SCUBE3: variants seen among roughly 807,000 people sequenced by gnomAD.
SCUBE3 encodes the protein signal peptide, CUB domain and EGF like domain containing 3.
SCUBE3 carries 33 observed loss-of-function variants against 116.8 expected under a neutral mutation model. The observed-to-expected ratio is 0.28, with a 90% CI of 0.21 to 0.38. SCUBE3 has a LOEUF of 0.38. Among genes scored for constraint, SCUBE3 ranks in the 10% least tolerant of loss-of-function variants. The pLI, the probability that SCUBE3 is intolerant of heterozygous loss-of-function variation, is 1.00. For synonymous variants in SCUBE3, 418 were observed against 496.9 expected (o/e 0.84, Z 2.11); for missense variants, 1,007 against 1,324.8 (o/e 0.76, Z 3.72).
Position 35,239,873 on chromosome 6 carries a change from G to C in SCUBE3, c.951G>C (p.Gln317His). The C allele has an allele frequency of 6.3e-7, 1 of 1,599,322 alleles. No homozygotes were observed. Among genetic ancestry groups the C allele is most frequent in the Non-Finnish European group, 8.5e-7 (1 of 1,175,230 alleles). Residue 317 changes from glutamine to histidine, a missense_variant and splice_region_variant, in exon 8 of 22, where the codon CAG becomes CAC. By Grantham distance (24) the Gln-to-His change is conservative. Transcript: ENST00000274938. This position sits in a 1 kb window ranked among gnomAD's most constrained non-coding sequence, Gnocchi z 4.1. Reference protein sequence around the residue: ...YKLLINERNCQDIDECSFDRT... With the variant: ...YKLLINERNCHDIDECSFDRT... ...TTCTCATCAATGAGAGGAACTGCCAGGGTGAGCAGACTCAGCCAAAGGTGA... is the reference window on the plus strand; with the variant it reads ...TTCTCATCAATGAGAGGAACTGCCACGGTGAGCAGACTCAGCCAAAGGTGA...
rs778213722 is a variant in SCUBE3 at position 35,246,271 on chromosome 6, CAGG to C, written c.2821_2823del (p.Glu941del). On this transcript the variant is annotated inframe_deletion, in exon 21 of 22. Transcript: ENST00000274938. ...CCGGCTCTATGCCTCTGAAAACCAC[CAGG>C]AGATTTTAAAGGTGAATGAATATTA... 1 of 1,611,666 alleles carries C rather than the reference CAGG, an allele frequency of 6.2e-7. No individual in the cohort carries two copies. The highest frequency in any genetic ancestry group is 8.5e-7 in the Non-Finnish European group (1 of 1,177,764).
rs1416998666 is a variant in SCUBE3, at chr6:35,249,211, T to A, written c.*506T>A. The A allele has an allele frequency of 6.5e-6, 1 of 154,820 alleles. No individual in the cohort carries two copies. The highest frequency in any genetic ancestry group is 2.4e-5 in the African/African-American group (1 of 41,446). The allele number at this position is 154,820 out of a possible 1,614,324, so 9.6% of individuals were successfully genotyped here. A position where few individuals can be genotyped will look rare whatever the true frequency, so the allele number is the denominator to read the frequency against. ...GGGTCCTGCCAAAGAAGCCTTTGAT[T>A]TACAGGCTTAATGCCAGCACCAGTC... is the stretch of plus-strand genomic sequence containing the variant. On this transcript the variant is annotated 3_prime_UTR_variant, in exon 22 of 22. Transcript: ENST00000274938.
In SCUBE3 at chr6:35,242,328, C is replaced by T. The variant is rs1330521247; in HGVS notation, c.1534+8C>T. 4 of 1,575,142 alleles carry T rather than the reference C, an allele frequency of 2.5e-6. No individual in the cohort carries two copies. The highest frequency in any genetic ancestry group is 3.5e-6 in the Non-Finnish European group (4 of 1,144,704). On this transcript the variant is annotated splice_region_variant and intron_variant, in intron 13 of 21. Transcript: ENST00000274938. Reference sequence around the variant, plus strand: ...GCAGAATCACAGGGCCAGGTTTGGACTGGGGACCCCATTCCAGTTGGCTGT... The same window carrying T: ...GCAGAATCACAGGGCCAGGTTTGGATTGGGGACCCCATTCCAGTTGGCTGT...
Position 35,246,200 on chromosome 6 carries a change from T to C in SCUBE3, c.2753-6T>C. 6.2e-7 allele frequency: 1 copy of C among 1,614,076 alleles called. No homozygotes were observed. Among genetic ancestry groups the C allele is most frequent in the Middle Eastern group, 1.6e-4 (1 of 6,062 alleles). On this transcript the variant is annotated splice_polypyrimidine_tract_variant and splice_region_variant and intron_variant, in intron 20 of 21. Transcript: ENST00000274938. ...CCTGAGCCCCTCACCTTGGTTGACTTTGCAGAGGACTATGAGCAGCTGGTA... is the reference window on the plus strand; with the variant it reads ...CCTGAGCCCCTCACCTTGGTTGACTCTGCAGAGGACTATGAGCAGCTGGTA...
rs528819372 is a variant in SCUBE3 at position 35,240,637 on chromosome 6, A to G, written c.1069+147A>G. 6.6e-4 allele frequency: 353 copies of G among 534,698 alleles called. No homozygotes were observed. Among genetic ancestry groups the G allele is most frequent in the African/African-American group, 6.1e-3 (313 of 51,608 alleles). The allele number at this position is 534,698 out of a possible 1,614,324, so 33.1% of individuals were successfully genotyped here. On this transcript the variant is annotated intron_variant, in intron 9 of 21. Transcript: ENST00000274938. This position sits in a 1 kb window ranked among gnomAD's most constrained non-coding sequence, Gnocchi z 4.6. ...GCATCCGCTGTGACAAAATAGGAGG[A>G]ATTAAGACAGCTTTTGAAGAACTGG...
In SCUBE3 at chr6:35,228,713, T is replaced by A; in HGVS notation, c.308T>A (p.Leu103Gln). ...YRCTCYDGFHLAHDGHNCLDV... is the reference protein window; with the variant it reads ...YRCTCYDGFHQAHDGHNCLDV... The stretch of plus-strand genomic sequence containing the variant: ...TGTACCTGCTATGATGGATTCCACC[T>A]GGCACATGACGGACACAACTGTCTG... The change falls in exon 3 of 22, where the codon CTG (leucine) becomes CAG (glutamine). Residue 103 changes from leucine to glutamine, a missense_variant. Physicochemically the swap from Leu to Gln is moderately radical, Grantham distance 113. Coordinates refer to ENST00000274938, the MANE Select transcript of SCUBE3 (RefSeq NM_152753.4). This position sits in a 1 kb window ranked among gnomAD's most constrained non-coding sequence, Gnocchi z 4.9. 6.2e-7 allele frequency: 1 copy of A among 1,614,160 alleles called. No individual in the cohort carries two copies. The highest frequency in any genetic ancestry group is 8.5e-7 in the Non-Finnish European group (1 of 1,179,984).
At position 35,245,524 on chromosome 6, in the gene SCUBE3, A is replaced by T. The variant is rs1784297193; in HGVS notation, c.2599+99A>T. On this transcript the variant is annotated intron_variant, in intron 19 of 21. Transcript: ENST00000274938. This position sits in a 1 kb window ranked among gnomAD's most constrained non-coding sequence, Gnocchi z 4.2. ...TGATACAGGAAGAAATGGGGCAGTG[A>T]AGTTAGGGATCTATGAGGGTGAAAT... The T allele has an allele frequency of 6.0e-6, 6 of 997,554 alleles. No individual in the cohort carries two copies. Among genetic ancestry groups the T allele is most frequent in the South Asian group, 5.6e-5 (4 of 71,776 alleles). The allele number at this position is 997,554 out of a possible 1,614,324, so 61.8% of individuals were successfully genotyped here. A position where few individuals can be genotyped will look rare whatever the true frequency, so the allele number is the denominator to read the frequency against.
At chr6:35,215,438 G>C (rs1412948036) in intron 1 of SCUBE3, among the ~76,000 whole-genome samples, 1 of 152,060 alleles carries the variant, frequency 6.6e-6, no homozygotes, top group Non-Finnish European at 1.5e-5. Flanking sequence ...CTCCCCCATC[G>C]TGTCCTCACC....
intron 1 of SCUBE3, chr6:35,220,803 G>A (rs1037199541): frequency 1.3e-5 from 2 of 152,072 alleles, no homozygotes; most frequent in African/African-American, 4.8e-5. Flanking sequence ...CTCTGTCTCC[G>A]CCTTGGAATC....
chr6:35,243,017 C>T lies in SCUBE3; in HGVS notation c.1694-4C>T, dbSNP rs370607064. ...CCCTGATACACACGGCCATCCACCA[C>T]CAGCCAGCTGTGGGCTGCCCTGCCT... On this transcript the variant is annotated splice_polypyrimidine_tract_variant and splice_region_variant and intron_variant, in intron 14 of 21. Transcript: ENST00000274938. The surrounding 1 kb of genome is among the most constrained non-coding windows in gnomAD (Gnocchi z 6.6). 2.0e-5 allele frequency: 33 copies of T among 1,613,528 alleles called. No individual in the cohort carries two copies. Among genetic ancestry groups the T allele is most frequent in the Non-Finnish European group, 2.5e-5 (30 of 1,179,664 alleles).
chr6:35,237,824 G>A, intron 6 of SCUBE3, 78 bp from the exon 7 acceptor site: 1 of 832,968 alleles, frequency 1.2e-6, no homozygotes, highest in Non-Finnish European at 2.0e-6. Context: ...GGGCCTCTGT[G>A]GTCTCCACTA....
chr6:35,222,602 T>G (rs1427901033), intron 1 of SCUBE3: 1 of 152,288 alleles, frequency 6.6e-6, no homozygotes, highest in African/African-American at 2.4e-5. Context: ...ACCTCAACTT[T>G]GGTTCCAATG....
intron 1 of SCUBE3, among the ~76,000 whole-genome samples, chr6:35,218,529 C>G (rs1258024779): frequency 6.6e-6 from 1 of 152,134 alleles, no homozygotes; most frequent in Non-Finnish European, 1.5e-5. Context: ...TAGCACATGA[C>G]CACTTATAAG....
rs745368683 is a variant in SCUBE3, at chr6:35,231,886, A to G, written c.469+27A>G. On this transcript the variant is annotated intron_variant, in intron 4 of 21. Coordinates refer to ENST00000274938, the MANE Select transcript of SCUBE3 (RefSeq NM_152753.4). The surrounding 1 kb of genome is among the most constrained non-coding windows in gnomAD (Gnocchi z 4.2). ...TCAGCCCATGACCTGGGATGGCCCC[A>G]TCCCTGCCCTCCCCAGGCTTCTCTT... The G allele has an allele frequency of 1.9e-6, 3 of 1,582,258 alleles. No homozygotes were observed. The highest frequency in any genetic ancestry group is 2.6e-6 in the Non-Finnish European group (3 of 1,156,466).
chr6:35,241,462 T>C lies in SCUBE3; in HGVS notation c.1196-81T>C, dbSNP rs1784044716. On this transcript the variant is annotated intron_variant, in intron 10 of 21. Transcript: ENST00000274938. This position sits in a 1 kb window ranked among gnomAD's most constrained non-coding sequence, Gnocchi z 4.1. ...GTCTCCATGGGTACAACAATAGTTATGCAAGTAGCTGATTCCTCCAAATTA... is the reference window on the plus strand; with the variant it reads ...GTCTCCATGGGTACAACAATAGTTACGCAAGTAGCTGATTCCTCCAAATTA... 2.6e-6 allele frequency: 3 copies of C among 1,152,118 alleles called. No individual in the cohort carries two copies. The highest frequency in any genetic ancestry group is 3.4e-5 in the Admixed American group (2 of 58,858). 71.4% of individuals were successfully genotyped at this position (1,152,118 alleles called of 1,614,324 possible).
In SCUBE3 at chr6:35,243,876, G is replaced by T; in HGVS notation, c.2072-87G>T. On this transcript the variant is annotated intron_variant, in intron 16 of 21. Coordinates refer to ENST00000274938, the MANE Select transcript of SCUBE3 (RefSeq NM_152753.4). The surrounding 1 kb of genome is among the most constrained non-coding windows in gnomAD (Gnocchi z 6.6). ...CACTCTCTTAGTCAACATCCTGTTT[G>T]TATACCTTTGTCCCCTGAGATCGGG... 1 of 1,531,924 alleles carries T rather than the reference G, an allele frequency of 6.5e-7. No individual in the cohort carries two copies. The highest frequency in any genetic ancestry group is 1.7e-5 in the Admixed American group (1 of 57,198). The allele number at this position is 1,531,924 out of a possible 1,614,324, so 94.9% of individuals were successfully genotyped here. A position where few individuals can be genotyped will look rare whatever the true frequency, so the allele number is the denominator to read the frequency against.
intron 2 of SCUBE3, among the ~76,000 whole-genome samples, chr6:35,227,926 T>C (rs1418597046): frequency 1.3e-5 from 2 of 152,146 alleles, no homozygotes; most frequent in African/African-American, 4.8e-5. Context: ...TGGGGACAGT[T>C]CACAGCCCAC....
At position 35,228,495 on chromosome 6, in the gene SCUBE3, T is replaced by A; in HGVS notation, c.209-119T>A. 5 of 944,104 alleles carry A rather than the reference T, an allele frequency of 5.3e-6. No individual in the cohort carries two copies. The South Asian group carries it at 1.2e-4, about 23-fold the overall frequency. The allele number at this position is 944,104 out of a possible 1,614,324, so 58.5% of individuals were successfully genotyped here. ...TTAGGTTTAAATGAAAACAGAAAAA[T>A]GCTAAATGGCTTATAGGCCATGAAC... On this transcript the variant is annotated intron_variant, in intron 2 of 21. Transcript: ENST00000274938. The surrounding 1 kb of genome is among the most constrained non-coding windows in gnomAD (Gnocchi z 4.9).
At position 35,241,840 on chromosome 6, in the gene SCUBE3, C is replaced by G. The variant is rs1784070425; in HGVS notation, c.1347C>G (p.Thr449=). Residue 449 remains threonine (T), a synonymous_variant, in exon 12 of 22, where the codon ACC becomes ACG. Coordinates refer to ENST00000274938, the MANE Select transcript of SCUBE3 (RefSeq NM_152753.4). This position sits in a 1 kb window ranked among gnomAD's most constrained non-coding sequence, Gnocchi z 4.1. ...SENGFTVSCG[T]PSPRAAPARA... ...ATGGCTTCACGGTGAGCTGTGGGAC[C>G]CCCAGCCCCAGGGCTGCTCCAGCCC... 6.2e-7 allele frequency: 1 copy of G among 1,613,050 alleles called. No individual in the cohort carries two copies. Among genetic ancestry groups the G allele is most frequent in the African/African-American group, 1.3e-5 (1 of 74,930 alleles).
Sources: allele counts gnomAD v4.1 joint callset (sites outside exome capture counted in the v4.1 genomes callset), GRCh38; gene constraint gnomAD v4.1.1; non-coding constraint Gnocchi (gnomAD v3.1); transcripts MANE v1.5; gene names NCBI Gene and HGNC (gene_info 2026-07-23, HGNC 2026-07-21).